FTCDNL1: variants seen among roughly 807,000 people sequenced by gnomAD.
FTCDNL1 encodes formiminotransferase cyclodeaminase N-terminal like, also known as formiminotransferase N-terminal subdomain-containing protein.
FTCDNL1 carries 11 observed loss-of-function variants against 5.9 expected under a neutral mutation model. That is an observed-to-expected ratio of 1.87 (90% CI 1.18 to 3.10). FTCDNL1 has a LOEUF of 3.10. FTCDNL1 is among the 30% of genes most tolerant of loss of function. The pLI is 0.00. For missense variants in FTCDNL1, 115 were observed against 65.5 expected (o/e 1.76, Z -2.61); for synonymous variants, 58 against 24.8 (o/e 2.34, Z -3.99).
the FTCDNL1 span, among the ~76,000 whole-genome samples, chr2:199,723,820 A>T: frequency 1.3e-5 from 2 of 152,296 alleles, no homozygotes; most frequent in East Asian, 3.9e-4. Context: ...ATCAATGTTC[A>T]TCAGGGATAT....
chr2:199,787,896 C>T (rs569403680), intron 3 of FTCDNL1, among the ~76,000 whole-genome samples: 17 of 152,002 alleles, frequency 1.1e-4, no homozygotes, highest in African/African-American at 3.4e-4. Context: ...CGTACTTTTC[C>T]GAGGACATAA....
chr2:199,815,829 G>A (rs933627555), intron 4 of FTCDNL1, among the ~76,000 whole-genome samples: 5 of 151,882 alleles, frequency 3.3e-5, no homozygotes, highest in Admixed American at 6.6e-5. Flanking sequence ...GTGAAACCCC[G>A]TCTCTACTAA....
chr2:199,793,511 G>A (rs985922078), intron 3 of FTCDNL1, among the ~76,000 whole-genome samples: 9 of 150,014 alleles, frequency 6.0e-5, no homozygotes, highest in African/African-American at 1.7e-4. Flanking sequence ...GGTGCAGTCC[G>A]TTTATATAGA....
At chr2:199,670,000 T>C in the FTCDNL1 span, among the ~76,000 whole-genome samples, 1 of 152,236 alleles carries the variant, frequency 6.6e-6, no homozygotes, top group Non-Finnish European at 1.5e-5. Context: ...GTGGCTCTCC[T>C]GGGCAAGTAC....
intron 3 of FTCDNL1, among the ~76,000 whole-genome samples, chr2:199,838,280 T>C (rs562828831): frequency 6.6e-6 from 1 of 152,342 alleles, no homozygotes; most frequent in Admixed American, 6.5e-5. Flanking sequence ...AGAATGCTCC[T>C]GAAAATTTAC....
the FTCDNL1 span, among the ~76,000 whole-genome samples, chr2:199,732,780 A>G: frequency 6.6e-6 from 1 of 152,266 alleles, no homozygotes; most frequent in Non-Finnish European, 1.5e-5. Flanking sequence ...CGAACCCATG[A>G]TCATTGGTTA....
the FTCDNL1 span, among the ~76,000 whole-genome samples, chr2:199,680,727 T>C: frequency 6.6e-6 from 1 of 152,194 alleles, no homozygotes; most frequent in Non-Finnish European, 1.5e-5. Context: ...AGAGAGTAGA[T>C]GGTATCTTTT....
At chr2:199,716,084 T>G in the FTCDNL1 span, among the ~76,000 whole-genome samples, 4 of 146,040 alleles carry the variant, frequency 2.7e-5, no homozygotes, top group African/African-American at 1.0e-4. Flanking sequence ...AATAGCAGAT[T>G]TTAGAGAGCA....
intron 3 of FTCDNL1, among the ~76,000 whole-genome samples, chr2:199,773,969 A>C (rs1430712794): frequency 1.3e-5 from 2 of 152,128 alleles, no homozygotes; most frequent in Non-Finnish European, 2.9e-5. Flanking sequence ...TCCCTGTCTG[A>C]GTGATGCATT....
At chr2:199,715,527 C>T in the FTCDNL1 span, among the ~76,000 whole-genome samples, 3 of 152,310 alleles carry the variant, frequency 2.0e-5, no homozygotes, top group East Asian at 3.9e-4. Context: ...GATTGTGAGG[C>T]CTTCCCAGCC....
the FTCDNL1 span, among the ~76,000 whole-genome samples, chr2:199,699,954 G>A: frequency 1.3e-5 from 2 of 152,044 alleles, no homozygotes; most frequent in Admixed American, 6.6e-5. Flanking sequence ...TACTGAATGA[G>A]CAAAAGCTGA....
the FTCDNL1 span, among the ~76,000 whole-genome samples, chr2:199,743,639 A>G: frequency 1.3e-5 from 2 of 151,608 alleles, no homozygotes; most frequent in Non-Finnish European, 2.9e-5. Context: ...TGTGGAACCT[A>G]TGCACGTCCC....
At chr2:199,714,648 T>A in the FTCDNL1 span, among the ~76,000 whole-genome samples, 3 of 151,984 alleles carry the variant, frequency 2.0e-5, no homozygotes, top group Admixed American at 1.3e-4. Context: ...ACTCCCCAGG[T>A]GAAACAAAGC....
the FTCDNL1 span, among the ~76,000 whole-genome samples, chr2:199,676,871 G>T: frequency 6.6e-6 from 1 of 152,036 alleles, no homozygotes; most frequent in Non-Finnish European, 1.5e-5. Context: ...CCACATTTTG[G>T]GTCCGACAAA....
At chr2:199,827,008 T>C (rs1702078834) in intron 3 of FTCDNL1, among the ~76,000 whole-genome samples, 1 of 152,132 alleles carries the variant, frequency 6.6e-6, no homozygotes, top group Admixed American at 6.5e-5. Flanking sequence ...GATGAAACCG[T>C]CCTGAAAAGT....
the FTCDNL1 span, among the ~76,000 whole-genome samples, chr2:199,749,957 G>A: frequency 2.0e-5 from 3 of 151,426 alleles, no homozygotes; most frequent in African/African-American, 4.8e-5. Context: ...TTACCCTGAT[G>A]TGATTATTAC....
At chr2:199,774,192 C>T (rs931646171) in intron 3 of FTCDNL1, among the ~76,000 whole-genome samples, 6 of 152,120 alleles carry the variant, frequency 3.9e-5, no homozygotes, top group Non-Finnish European at 8.8e-5. Context: ...CCATCCTAGC[C>T]GTGTGTTAGA....
At chr2:199,710,538 A>G in the FTCDNL1 span, among the ~76,000 whole-genome samples, 274 of 152,308 alleles carry the variant, frequency 1.8e-3, 2 homozygotes, top group African/African-American at 6.3e-3. Context: ...CAGCGACTTT[A>G]TAGAACATAA....
Position 199,810,014 on chromosome 2 carries a change from ATCTAC to A in FTCDNL1, c.*2686_*2690del, listed in dbSNP as rs1211588653. ...ATTTAGGCTATAATCAGGTAACTTT[ATCTAC>A]TCTAAACTATCCGAAGGATTTTTTT... On this transcript the variant is annotated 3_prime_UTR_variant, in exon 5 of 5. Coordinates refer to ENST00000420128, the MANE Select transcript of FTCDNL1 (RefSeq NM_001363886.2). Among the ~76,000 whole-genome samples, 1 of 151,616 alleles carries A rather than the reference ATCTAC, an allele frequency of 6.6e-6. No homozygotes were observed. Among genetic ancestry groups the A allele is most frequent in the Non-Finnish European group, 1.5e-5 (1 of 67,962 alleles).
Sources: allele counts gnomAD v4.1 joint callset (sites outside exome capture counted in the v4.1 genomes callset), GRCh38; gene constraint gnomAD v4.1.1; transcripts MANE v1.5; gene names NCBI Gene and HGNC (gene_info 2026-07-23, HGNC 2026-07-21).